PGS1: variants seen among roughly 807,000 people sequenced by gnomAD.
PGS1 encodes the protein CDP-diacylglycerol--glycerol-3-phosphate 3-phosphatidyltransferase, mitochondrial.
A neutral mutation model predicts 58.3 loss-of-function variants in PGS1; 44 were observed. The observed-to-expected ratio is 0.75, with a 90% CI of 0.59 to 0.97. The LOEUF (loss-of-function observed/expected upper bound fraction) is 0.97, where lower values mean the gene tolerates loss of function less well. PGS1 is among the 50% of genes least tolerant of loss of function. The probability of loss-of-function intolerance (pLI) is 0.00; values close to 1 mark genes in which losing one functional copy is unlikely to be tolerated. For missense variants in PGS1, 684 were observed against 731.1 expected (o/e 0.94, Z 0.74); for synonymous variants, 330 against 311.0 (o/e 1.06, Z -0.64).
intron 9 of PGS1, chr17:78,421,194 C>G (rs2085703261): frequency 1.3e-5 from 2 of 152,196 alleles, no homozygotes; most frequent in Admixed American, 6.5e-5. Context: ...CTCCATATCC[C>G]CCAGTGTCTC....
chr17:78,399,526 C>T lies in PGS1; in HGVS notation c.690C>T (p.Val230=). ...AGGTGTACCTCTTCGACAACAGCGT[C>T]ATCTTGAGCGGGTGAGTGCTTCCCA... ...HIKVYLFDNS[V]ILSGANLSDS... is the part of the protein sequence containing the mutation. The change falls in exon 5 of 10, where the codon GTC becomes GTT. Residue 230 remains valine (V), a synonymous_variant. Transcript: ENST00000262764. 1 of 1,614,164 alleles carries T rather than the reference C, an allele frequency of 6.2e-7. No homozygotes were observed. Among genetic ancestry groups the T allele is most frequent in the Non-Finnish European group, 8.5e-7 (1 of 1,180,024 alleles).
Position 78,390,368 on chromosome 17 carries a change from C to T in PGS1, c.144-2108C>T, listed in dbSNP as rs193151588. On this transcript the variant is annotated intron_variant, in intron 1 of 9. Transcript: ENST00000262764. ...TTCCCACCTCTGCACTGGGTGGCCACGGCCAGTCGCAGACTTCCAGGATCC... is the reference window on the plus strand; with the variant it reads ...TTCCCACCTCTGCACTGGGTGGCCATGGCCAGTCGCAGACTTCCAGGATCC... Among the ~76,000 whole-genome samples, 252 of 152,196 alleles carry T rather than the reference C, an allele frequency of 1.7e-3. 2 individuals are homozygous for T. Among genetic ancestry groups the T allele is most frequent in the African/African-American group, 5.7e-3 (238 of 41,490 alleles).
At chr17:78,380,852 CT>C (rs891331092) in intron 1 of PGS1, 62 of 146,028 alleles carry the variant, frequency 4.2e-4, no homozygotes, top group Non-Finnish European at 4.1e-4. Context: ...TTTTCTTTTT[CT>C]TTTTTTTTTT....
At chr17:78,414,467 T>C (rs553480872) in intron 7 of PGS1, among the ~76,000 whole-genome samples, 176 of 152,278 alleles carry the variant, frequency 1.2e-3, no homozygotes, top group Non-Finnish European at 2.2e-3. Flanking sequence ...GGTCTGGATG[T>C]GCAGAGGCAG....
In PGS1 at chr17:78,403,901, A is replaced by G. The variant is rs2083897100; in HGVS notation, c.1214A>G (p.Glu405Gly). Residue 405 changes from glutamate to glycine, a missense_variant, in exon 7 of 10, where the codon GAG becomes GGG. Physicochemically the swap from Glu to Gly is moderately conservative, Grantham distance 98 (BLOSUM62 -2). Coordinates refer to ENST00000262764, the MANE Select transcript of PGS1 (RefSeq NM_024419.5). ...YMDLVLGTRA[E>G]YQILLASPEV... ...GACCTGGTCTTGGGCACTCGGGCTG[A>G]GTACCAGATCCTGCTGGCCTCACCA... 2 of 1,614,154 alleles carry G rather than the reference A, an allele frequency of 1.2e-6. No homozygotes were observed. Among genetic ancestry groups the G allele is most frequent in the African/African-American group, 2.7e-5 (2 of 75,080 alleles).
intron 9 of PGS1, chr17:78,420,176 CT>C: frequency 1.0e-6 from 1 of 999,670 alleles, no homozygotes; most frequent in Non-Finnish European, 1.2e-6. Flanking sequence ...GGGCTGCTGC[CT>C]GGACGCCTCG....
chr17:78,421,003 AATTTT>A (rs1284767630), intron 9 of PGS1: 2 of 152,184 alleles, frequency 1.3e-5, no homozygotes, highest in Non-Finnish European at 2.9e-5. Flanking sequence ...CCTTAAAATT[AATTTT>A]TTCGATTATT....
intron 2 of PGS1, among the ~76,000 whole-genome samples, chr17:78,393,707 G>A (rs1388226580): frequency 6.6e-6 from 1 of 152,176 alleles, no homozygotes; most frequent in Admixed American, 6.5e-5. Flanking sequence ...TCTTAAGTGT[G>A]TGCCTTTCCT....
intron 9 of PGS1, among the ~76,000 whole-genome samples, chr17:78,422,852 T>G (rs1010123092): frequency 6.6e-6 from 1 of 152,088 alleles, no homozygotes; most frequent in African/African-American, 2.4e-5. Flanking sequence ...TCCTGGCGCT[T>G]TGGGAGGCCG....
At chr17:78,420,276 G>T in intron 9 of PGS1, 2 of 965,728 alleles carry the variant, frequency 2.1e-6, no homozygotes, top group South Asian at 9.5e-5. Context: ...CCCAGGAGGG[G>T]CCTGCCGCTT....
intron 9 of PGS1, among the ~76,000 whole-genome samples, chr17:78,423,419 C>T (rs543392851): frequency 7.2e-5 from 11 of 152,232 alleles, no homozygotes; most frequent in Non-Finnish European, 1.2e-4. Flanking sequence ...GCGGATGAGA[C>T]GCTGTGTGGA....
At chr17:78,393,156 G>A (rs1326202782) in intron 2 of PGS1, among the ~76,000 whole-genome samples, 1 of 151,954 alleles carries the variant, frequency 6.6e-6, no homozygotes, top group Non-Finnish European at 1.5e-5. Flanking sequence ...CGCCTCTCGG[G>A]TTCACGCCAT....
rs1213892645 is a variant in PGS1, at chr17:78,396,353, T to C, written c.379T>C (p.Tyr127His). The C allele has an allele frequency of 1.9e-6, 3 of 1,613,460 alleles. No individual in the cohort carries two copies. Among genetic ancestry groups the C allele is most frequent in the African/African-American group, 1.3e-5 (1 of 74,900 alleles). ...AKRRVVMASL[Y>H]LGTGPLEQEL... ...GAGGCGGGTCGTGATGGCATCCCTC[T>C]ACCTGGGGACAGGTCCTTTGGAACA... Residue 127 changes from tyrosine to histidine, a missense_variant, in exon 3 of 10, where the codon TAC becomes CAC. Transcript: ENST00000262764.
intron 9 of PGS1, among the ~76,000 whole-genome samples, chr17:78,423,105 G>C (rs1367364149): frequency 1.5e-5 from 2 of 137,506 alleles, no homozygotes; most frequent in Admixed American, 7.1e-5. Context: ...ACTCTCCCTC[G>C]AAAAAAAAAA....
intron 2 of PGS1, among the ~76,000 whole-genome samples, chr17:78,393,573 A>G (rs1449519510): frequency 1.3e-5 from 2 of 152,156 alleles, no homozygotes; most frequent in African/African-American, 4.8e-5. Context: ...TCATCTTGGT[A>G]GATGTAGTAG....
Position 78,414,951 on chromosome 17 carries a change from G to C in PGS1, c.1475G>C (p.Arg492Thr). 1 of 1,613,972 alleles carries C rather than the reference G, an allele frequency of 6.2e-7. No individual in the cohort carries two copies. The highest frequency in any genetic ancestry group is 8.5e-7 in the Non-Finnish European group (1 of 1,180,028). ...TLIGSPNFGYRSVHRDLEAQI... is the reference protein window; with the variant it reads ...TLIGSPNFGYTSVHRDLEAQI... ...ATTGGCTCTCCTAATTTTGGGTACA[G>C]GTCAGTTCACCGGGACCTGGAGGCC... Residue 492 changes from arginine to threonine, a missense_variant, in exon 8 of 10, where the codon AGG (arginine) becomes ACG (threonine). Arg to Thr is a moderately conservative substitution (Grantham distance 71). Coordinates refer to ENST00000262764, the MANE Select transcript of PGS1 (RefSeq NM_024419.5).
chr17:78,396,709 T>C (rs992501255), intron 3 of PGS1, among the ~76,000 whole-genome samples: 1 of 152,264 alleles, frequency 6.6e-6, no homozygotes, highest in Non-Finnish European at 1.5e-5. Context: ...CCACCTGTTA[T>C]GGTGTAGACT....
chr17:78,399,752 T>TA (rs1304609502), intron 5 of PGS1, among the ~76,000 whole-genome samples: 2 of 152,348 alleles, frequency 1.3e-5, no homozygotes, highest in African/African-American at 4.8e-5. Context: ...ACAGGGCACT[T>TA]AGTCTGTGCT....
chr17:78,422,019 A>C (rs1351042263), intron 9 of PGS1: 3 of 152,160 alleles, frequency 2.0e-5, no homozygotes. Flanking sequence ...CATTTCTTGG[A>C]AAGTTTAGAG....
Sources: gnomAD v4.1 joint callset for allele counts (sites outside exome capture counted in the v4.1 genomes callset) on GRCh38, gnomAD v4.1.1 for gene constraint, MANE v1.5 for transcripts, NCBI Gene and HGNC (gene_info 2026-07-23, HGNC 2026-07-21) for gene names.